The following ALK variants were observed in gnomAD, a reference collection of about 807,000 sequenced individuals.
ALK encodes ALK receptor tyrosine kinase.
A neutral mutation model predicts 163.1 loss-of-function variants in ALK; 74 were observed. The ratio of observed to expected loss-of-function variants is 0.45; its 90% CI spans 0.38 to 0.55. ALK has a LOEUF of 0.55. Among genes scored for constraint, ALK ranks in the 20% least tolerant of loss-of-function variants. ALK has a pLI of 0.00. For synonymous variants in ALK, 960 were observed against 843.2 expected, an observed-to-expected ratio of 1.14 and a Z score of -2.40; for missense variants, 2,063 against 2,105.3, an observed-to-expected ratio of 0.98 and a Z score of 0.39.
At chr2:29,501,805 C>A (rs1002876092) in intron 4 of ALK, among the ~76,000 whole-genome samples, 1 of 152,196 alleles carries the variant, frequency 6.6e-6, no homozygotes, top group Non-Finnish European at 1.5e-5. Context: ...GAACATTTCT[C>A]GTTTTGCAAA....
At chr2:29,672,664 T>G (rs1311529094) in intron 3 of ALK, among the ~76,000 whole-genome samples, 1 of 152,158 alleles carries the variant, frequency 6.6e-6, no homozygotes, top group Non-Finnish European at 1.5e-5. Flanking sequence ...CATAGCAGCA[T>G]GATTTATAGT....
chr2:29,637,478 G>C (rs1676569200), intron 3 of ALK, among the ~76,000 whole-genome samples: 1 of 152,076 alleles, frequency 6.6e-6, no homozygotes, highest in South Asian at 2.1e-4. Context: ...AAAGCAACAG[G>C]CGGGTGGATC....
chr2:29,457,824 G>A (rs550200053), intron 4 of ALK, among the ~76,000 whole-genome samples: 47 of 152,150 alleles, frequency 3.1e-4, no homozygotes, highest in Non-Finnish European at 5.4e-4. Context: ...TCCTTCTCAT[G>A]GATGAGGAAA....
chr2:29,913,862 A>G (rs1182010380), intron 1 of ALK, among the ~76,000 whole-genome samples: 1 of 151,406 alleles, frequency 6.6e-6, no homozygotes, highest in Non-Finnish European at 1.5e-5. Flanking sequence ...CTTGGCAATG[A>G]AGGGTGATGC....
intron 3 of ALK, among the ~76,000 whole-genome samples, chr2:29,534,319 G>T (rs186882378): frequency 8.1e-4 from 124 of 152,306 alleles, no homozygotes; most frequent in Non-Finnish European, 2.5e-4. Flanking sequence ...CGAAGTGTTT[G>T]CTATATTACT....
At chr2:29,597,448 C>T (rs572507549) in intron 3 of ALK, among the ~76,000 whole-genome samples, 3 of 152,316 alleles carry the variant, frequency 2.0e-5, no homozygotes, top group Admixed American at 6.5e-5. Flanking sequence ...TTCCATTTGC[C>T]ATGGAGTCCT....
intron 5 of ALK, among the ~76,000 whole-genome samples, chr2:29,377,706 C>T (rs900930738): frequency 1.3e-5 from 2 of 152,014 alleles, no homozygotes; most frequent in Non-Finnish European, 2.9e-5. Flanking sequence ...GTTCAAACAC[C>T]CTCATTTTAG....
chr2:29,393,402 T>C (rs973075940), intron 4 of ALK, among the ~76,000 whole-genome samples: 3 of 152,162 alleles, frequency 2.0e-5, no homozygotes, highest in Non-Finnish European at 2.9e-5. Flanking sequence ...AAAACTAGAA[T>C]GGTTATTCTC....
At chr2:29,760,840 C>T (rs757862968) in intron 1 of ALK, among the ~76,000 whole-genome samples, 7 of 152,204 alleles carry the variant, frequency 4.6e-5, no homozygotes, top group Non-Finnish European at 1.0e-4. Flanking sequence ...GTCCTCAACA[C>T]ACCTCAACAT....
intron 2 of ALK, among the ~76,000 whole-genome samples, chr2:29,714,746 T>A (rs185149916): frequency 6.6e-6 from 1 of 152,352 alleles, no homozygotes; most frequent in Admixed American, 6.5e-5. Flanking sequence ...CTGCCCAAGT[T>A]TGAGGCCTTA....
intron 3 of ALK, among the ~76,000 whole-genome samples, chr2:29,534,868 T>C (rs904008033): frequency 3.9e-5 from 6 of 152,190 alleles, no homozygotes; most frequent in African/African-American, 1.2e-4. Flanking sequence ...TTTTTCCAGT[T>C]CTAATATGTG....
At chr2:29,478,134 A>G (rs958307103) in intron 4 of ALK, among the ~76,000 whole-genome samples, 1 of 152,234 alleles carries the variant, frequency 6.6e-6, no homozygotes. Context: ...CAGACCCAAC[A>G]GATAGAAATA....
chr2:29,874,949 T>A (rs780705904), intron 1 of ALK, among the ~76,000 whole-genome samples: 7 of 152,212 alleles, frequency 4.6e-5, no homozygotes, highest in East Asian at 1.9e-4. Context: ...TTAGAAAACA[T>A]TCCTGTATTT....
intron 4 of ALK, among the ~76,000 whole-genome samples, chr2:29,507,942 G>A (rs1672382364): frequency 6.6e-6 from 1 of 152,160 alleles, no homozygotes; most frequent in Non-Finnish European, 1.5e-5. Flanking sequence ...GATTGGTCAA[G>A]GAGTGAATTC....
intron 4 of ALK, among the ~76,000 whole-genome samples, chr2:29,418,507 T>C (rs1669936716): frequency 3.3e-5 from 5 of 152,220 alleles, no homozygotes; most frequent in Admixed American, 3.3e-4. Context: ...ATTAAGACTG[T>C]ACCCACGATG....
intron 1 of ALK, among the ~76,000 whole-genome samples, chr2:29,823,681 T>C (rs1288345973): frequency 6.6e-6 from 1 of 152,138 alleles, no homozygotes; most frequent in Non-Finnish European, 1.5e-5. Context: ...TGATTTAGGG[T>C]ATCTGGTGGA....
At chr2:29,468,988 G>A (rs1671282150) in intron 4 of ALK, among the ~76,000 whole-genome samples, 1 of 151,776 alleles carries the variant, frequency 6.6e-6, no homozygotes, top group Non-Finnish European at 1.5e-5. Context: ...ATGACCTTGA[G>A]CAGTAGGATA....
intron 11 of ALK, among the ~76,000 whole-genome samples, chr2:29,272,273 T>C (rs1250553947): frequency 3.1e-4 from 47 of 152,246 alleles, no homozygotes; most frequent in Admixed American, 2.9e-3. Context: ...TGTAATTGTA[T>C]GTGCAAAGCT....
intron 3 of ALK, among the ~76,000 whole-genome samples, chr2:29,612,561 C>G (rs907933190): frequency 6.6e-6 from 1 of 152,282 alleles, no homozygotes; most frequent in Middle Eastern, 3.4e-3. Flanking sequence ...AGAGTTCTCC[C>G]TTGAGGTCAT....
Sources: gnomAD v4.1 joint callset for allele counts (sites outside exome capture counted in the v4.1 genomes callset) on GRCh38, gnomAD v4.1.1 for gene constraint, MANE v1.5 for transcripts, NCBI Gene and HGNC (gene_info 2026-07-23, HGNC 2026-07-21) for gene names.